The following NLRC4 variants were observed in gnomAD, a reference collection of about 807,000 sequenced individuals.
NLRC4 encodes the protein NLR family CARD domain containing 4, also known as NLR family CARD domain-containing protein 4.
A neutral mutation model predicts 79.9 loss-of-function variants in NLRC4; 63 were observed. The observed-to-expected ratio is 0.79, with a 90% CI of 0.64 to 0.97. The LOEUF is 0.97. NLRC4 is among the 50% of genes least tolerant of loss of function. NLRC4 has a pLI of 0.00. For missense variants in NLRC4, 1,074 were observed against 1,215.2 expected (o/e 0.88, Z 1.73); for synonymous variants, 461 against 456.5 (o/e 1.01, Z -0.12).
rs774352816 is a variant in NLRC4, at chr2:32,250,609, C to G, written c.1255G>C (p.Asp419His). Residue 419 changes from aspartate (D) to histidine (H), a missense_variant, in exon 4 of 9, where the codon GAT (aspartate) becomes CAT (histidine). By Grantham distance (81) the Asp-to-His change is moderately conservative (BLOSUM62 -1). Transcript: ENST00000402280. The surrounding 1 kb of genome is among the most constrained non-coding windows in gnomAD (Gnocchi z 4.9). Reference sequence around the variant, plus strand: ...AGGAGCCCAGTTGTCAGCAGGACATCCTCATTCACGCTGGACACATCCTGC... The same window carrying G: ...AGGAGCCCAGTTGTCAGCAGGACATGCTCATTCACGCTGGACACATCCTGC... Reference protein sequence around the residue: ...ELQDVSSVNEDVLLTTGLLCK... With the variant: ...ELQDVSSVNEHVLLTTGLLCK... The G allele has an allele frequency of 6.2e-7, 1 of 1,614,166 alleles. No individual in the cohort carries two copies. The highest frequency in any genetic ancestry group is 1.1e-5 in the South Asian group (1 of 91,082).
In NLRC4 at chr2:32,261,316, C is replaced by CCCTTTTTTTTTTTTTTTTTTTTTTTTTTT; in HGVS notation, c.-119+3421_-119+3422insAAAAAAAAAAAAAAAAAAAAAAAAAAAGG. 2.1e-3 allele frequency among the ~76,000 whole-genome samples: 206 copies of CCCTTTTTTTTTTTTTTTTTTTTTTTTTTT among 96,912 alleles called. 14 individuals carry two copies. The highest frequency in any genetic ancestry group is 5.7e-3 in the Middle Eastern group (1 of 176). 63.6% of individuals were successfully genotyped at this position (96,912 alleles called of 152,430 possible). ...TTCTTTCGCCTATTAAGCCTCCCCC[C>CCCTTTTTTTTTTTTTTTTTTTTTTTTTTT]TTTTGTTTTTTTTTGAGATGGAGCC... On this transcript the variant is annotated intron_variant, in intron 1 of 8. Coordinates refer to ENST00000402280, the MANE Select transcript of NLRC4 (RefSeq NM_001199138.2).
At chr2:32,232,948 G>T (rs1393257714) in intron 8 of NLRC4, among the ~76,000 whole-genome samples, 1 of 151,824 alleles carries the variant, frequency 6.6e-6, no homozygotes, top group African/African-American at 2.4e-5. Flanking sequence ...GGAAGGGAAG[G>T]TCGTTGAAGA....
At chr2:32,245,595 A>G (rs1000729429) in intron 4 of NLRC4, among the ~76,000 whole-genome samples, 2 of 152,330 alleles carry the variant, frequency 1.3e-5, no homozygotes, top group Non-Finnish European at 2.9e-5. Flanking sequence ...AGTTAACTGT[A>G]TATTTAAAAT....
At chr2:32,261,315 C>CTTTTTTT (rs1558464069) in intron 1 of NLRC4, among the ~76,000 whole-genome samples, 3 of 81,508 alleles carry the variant, frequency 3.7e-5, no homozygotes, top group African/African-American at 1.4e-4. Context: ...AAGCCTCCCC[C>CTTTTTTT]CTTTTGTTTT....
chr2:32,233,349 ATTTTTTTTTTTTT>A (rs1176305976), intron 8 of NLRC4, among the ~76,000 whole-genome samples: 31 of 41,086 alleles, frequency 7.5e-4, no homozygotes, highest in African/African-American at 2.9e-3. Flanking sequence ...ATATATATAT[ATTTTTTTTTTTTT>A]TTTTTTAATT....
At chr2:32,233,796 C>A (rs1247939068) in intron 8 of NLRC4, among the ~76,000 whole-genome samples, 1 of 151,992 alleles carries the variant, frequency 6.6e-6, no homozygotes, top group African/African-American at 2.4e-5. Flanking sequence ...AATATAGGTC[C>A]ATTTGGTGTA....
At chr2:32,249,532 C>A in intron 4 of NLRC4, 75 bp downstream of exon 4, 1 of 1,221,174 alleles carries the variant, frequency 8.2e-7, no homozygotes, top group Non-Finnish European at 1.1e-6. Flanking sequence ...AAAGTCTCCT[C>A]TCTCCTTTTC....
At chr2:32,247,172 A>AG (rs1686956086) in intron 4 of NLRC4, among the ~76,000 whole-genome samples, 1 of 152,206 alleles carries the variant, frequency 6.6e-6, no homozygotes, top group South Asian at 2.1e-4. Flanking sequence ...ATTAATTTAC[A>AG]GGTTGGATTT....
intron 4 of NLRC4, among the ~76,000 whole-genome samples, chr2:32,242,408 T>C (rs1261681683): frequency 3.3e-5 from 5 of 152,160 alleles, no homozygotes; most frequent in Non-Finnish European, 7.3e-5. Flanking sequence ...TTTGACAACA[T>C]ATATGAAATT....
chr2:32,264,876 A>G lies in NLRC4; in HGVS notation c.-257T>C, dbSNP rs1047848678. On this transcript the variant is annotated 5_prime_UTR_variant, in exon 1 of 9. Coordinates refer to ENST00000402280, the MANE Select transcript of NLRC4 (RefSeq NM_001199138.2). ...ATACCTTCTTGTTCTGTGAGAGGAC[A>G]GTGTACAGAGAGGGGAACTGCTGAG... is the stretch of plus-strand genomic sequence containing the variant. 3.3e-5 allele frequency: 5 copies of G among 151,862 alleles called. No individual in the cohort carries two copies. Among genetic ancestry groups the G allele is most frequent in the Non-Finnish European group, 5.9e-5 (4 of 67,966 alleles). 9.4% of individuals were successfully genotyped at this position (151,862 alleles called of 1,614,324 possible).
chr2:32,261,022 C>CAAAAA (rs1687330448), intron 1 of NLRC4, among the ~76,000 whole-genome samples: 1 of 151,852 alleles, frequency 6.6e-6, no homozygotes, highest in Non-Finnish European at 1.5e-5. Context: ...GAAACCCTGT[C>CAAAAA]TCTACTAAAA....
chr2:32,248,155 A>G (rs981885580), intron 4 of NLRC4, among the ~76,000 whole-genome samples: 6 of 152,198 alleles, frequency 3.9e-5, no homozygotes, highest in Non-Finnish European at 8.8e-5. Context: ...TAAATAATAA[A>G]TAATAAAGCA....
At chr2:32,227,257 T>TA (rs1263970237) in intron 8 of NLRC4, among the ~76,000 whole-genome samples, 13 of 152,212 alleles carry the variant, frequency 8.5e-5, no homozygotes. Context: ...TCTGGACTGT[T>TA]ACATGATAGA....
At chr2:32,244,031 C>T (rs1186787316) in intron 4 of NLRC4, among the ~76,000 whole-genome samples, 2 of 152,164 alleles carry the variant, frequency 1.3e-5, no homozygotes, top group African/African-American at 2.4e-5. Flanking sequence ...GGGAAAATCT[C>T]TTGAGCACAG....
chr2:32,252,361 A>T (rs1687097379), intron 3 of NLRC4, 58 bp downstream of exon 3: 1 of 1,299,108 alleles, frequency 7.7e-7, no homozygotes, highest in Non-Finnish European at 1.1e-6. Flanking sequence ...GGGAAGATGG[A>T]TCTTTGTTGT....
At chr2:32,263,889 G>A (rs1320655110) in intron 1 of NLRC4, among the ~76,000 whole-genome samples, 1 of 152,170 alleles carries the variant, frequency 6.6e-6, no homozygotes, top group Non-Finnish European at 1.5e-5. Flanking sequence ...GCAGTGTGAT[G>A]TAGGGCAGGA....
chr2:32,258,271 C>A lies in NLRC4; in HGVS notation c.-118-1378G>T, dbSNP rs1210356688. Reference sequence around the variant, plus strand: ...CATTCTCCCTTCAACGTCCTCTGGACGTCCAGCTGCTTGTATGTTCTTCCG... The same window carrying A: ...CATTCTCCCTTCAACGTCCTCTGGAAGTCCAGCTGCTTGTATGTTCTTCCG... On this transcript the variant is annotated intron_variant, in intron 1 of 8. Transcript: ENST00000402280. Among the ~76,000 whole-genome samples, 4 of 152,298 alleles carry A rather than the reference C, an allele frequency of 2.6e-5. No homozygotes were observed. In the East Asian group the frequency reaches 5.8e-4, roughly 22 times the overall value.
chr2:32,244,555 A>C (rs2148938537), intron 4 of NLRC4, among the ~76,000 whole-genome samples: 1 of 152,254 alleles, frequency 6.6e-6, no homozygotes, highest in South Asian at 2.1e-4. Flanking sequence ...AAAAAAAAAA[A>C]ATAAATAAAA....
chr2:32,229,447 T>C (rs1686480249), intron 8 of NLRC4, among the ~76,000 whole-genome samples: 1 of 151,990 alleles, frequency 6.6e-6, no homozygotes, highest in Admixed American at 6.6e-5. Flanking sequence ...TGAGCCAAGA[T>C]CGCACCACTG....
Sources: allele counts gnomAD v4.1 joint callset (sites outside exome capture counted in the v4.1 genomes callset), GRCh38; gene constraint gnomAD v4.1.1; non-coding constraint Gnocchi (gnomAD v3.1); transcripts MANE v1.5; gene names NCBI Gene and HGNC (gene_info 2026-07-23, HGNC 2026-07-21).